The following CNTNAP2 variants were observed in gnomAD, a reference collection of about 807,000 sequenced individuals.
CNTNAP2 encodes the protein contactin-associated protein-like 2.
Under a neutral mutation model 155.2 loss-of-function variants are expected in CNTNAP2, and 98 were observed. The ratio of observed to expected loss-of-function variants is 0.63; its 90% CI spans 0.54 to 0.75. The LOEUF (loss-of-function observed/expected upper bound fraction) is 0.75. Among genes scored for constraint, CNTNAP2 ranks in the 30% least tolerant of loss-of-function variants. CNTNAP2 has a pLI of 0.00. For synonymous variants in CNTNAP2, 651 were observed against 631.2 expected (o/e 1.03, Z -0.47); for missense variants, 1,727 against 1,688.1 (o/e 1.02, Z -0.40).
intron 13 of CNTNAP2, among the ~76,000 whole-genome samples, chr7:147,788,900 C>CTTTTTTTTTTTTTTTT (rs11440955): frequency 1.6e-3 from 166 of 100,720 alleles, no homozygotes; most frequent in Non-Finnish European, 2.2e-3. Flanking sequence ...TTTTCTTTTT[C>CTTTTTTTTTTTTTTTT]TTTTTTTTTT....
chr7:147,250,799 AC>A, intron 8 of CNTNAP2, among the ~76,000 whole-genome samples: 1 of 152,098 alleles, frequency 6.6e-6, no homozygotes, highest in East Asian at 1.9e-4. Flanking sequence ...CCCTGGACTT[AC>A]AAAATCAGCA....
At chr7:148,060,339 A>T (rs1386464024) in intron 15 of CNTNAP2, among the ~76,000 whole-genome samples, 1 of 152,144 alleles carries the variant, frequency 6.6e-6, no homozygotes, top group Non-Finnish European at 1.5e-5. Flanking sequence ...ATTTCTTTAT[A>T]CATATATATG....
chr7:147,346,484 T>A (rs575096766), intron 9 of CNTNAP2, among the ~76,000 whole-genome samples: 1 of 152,340 alleles, frequency 6.6e-6, no homozygotes, highest in Non-Finnish European at 1.5e-5. Context: ...CATTAAAGTT[T>A]ATTCATCCCT....
intron 15 of CNTNAP2, among the ~76,000 whole-genome samples, chr7:148,079,290 A>G (rs1803553485): frequency 1.3e-5 from 2 of 152,240 alleles, no homozygotes; most frequent in Admixed American, 1.3e-4. Flanking sequence ...CTGGAAAAGC[A>G]GGACAACTGG....
At chr7:146,678,261 G>A (rs1800438346) in intron 1 of CNTNAP2, among the ~76,000 whole-genome samples, 1 of 151,692 alleles carries the variant, frequency 6.6e-6, no homozygotes, top group Non-Finnish European at 1.5e-5. Context: ...TAAATATGGG[G>A]TCTCACCACG....
chr7:148,038,228 G>C (rs951516031), intron 15 of CNTNAP2, among the ~76,000 whole-genome samples: 1 of 152,134 alleles, frequency 6.6e-6, no homozygotes, highest in Non-Finnish European at 1.5e-5. Flanking sequence ...GCCTCAACCT[G>C]TCCATCAACC....
At chr7:146,709,084 A>G (rs533449415) in intron 1 of CNTNAP2, among the ~76,000 whole-genome samples, 2 of 152,202 alleles carry the variant, frequency 1.3e-5, no homozygotes, top group Non-Finnish European at 2.9e-5. Context: ...TTATCTGGGT[A>G]ACATAATTGT....
chr7:147,392,179 C>T (rs1796730429), intron 9 of CNTNAP2, among the ~76,000 whole-genome samples: 1 of 152,092 alleles, frequency 6.6e-6, no homozygotes, highest in Non-Finnish European at 1.5e-5. Context: ...TTCTCACCTT[C>T]CTTTAAGTCA....
intron 8 of CNTNAP2, among the ~76,000 whole-genome samples, chr7:147,265,452 T>TC (rs1804585719): frequency 1.3e-5 from 2 of 152,100 alleles, no homozygotes; most frequent in Non-Finnish European, 2.9e-5. Flanking sequence ...GAGTGGGCCC[T>TC]CCCTGCAGGA....
At chr7:147,240,195 C>T (rs979016321) in intron 8 of CNTNAP2, among the ~76,000 whole-genome samples, 2 of 152,150 alleles carry the variant, frequency 1.3e-5, no homozygotes, top group African/African-American at 2.4e-5. Context: ...TCATGGCATG[C>T]GCCTCTCGTT....
Position 146,697,448 on chromosome 7 carries a change from A to G in CNTNAP2, c.98-76823A>G, listed in dbSNP as rs57247964. Among the ~76,000 whole-genome samples the G allele has an allele frequency of 9.7e-3, 1,473 of 152,236 alleles. 23 individuals carry two copies. Among genetic ancestry groups the G allele is most frequent in the African/African-American group, 0.033 (1,388 of 41,550 alleles). Reference sequence around the variant, plus strand: ...GAGACAGGGCTTCATCATGTTGGCCAGGCTGGTCTCAAACTCTTGACCTCA... The same window carrying G: ...GAGACAGGGCTTCATCATGTTGGCCGGGCTGGTCTCAAACTCTTGACCTCA... On this transcript the variant is annotated intron_variant, in intron 1 of 23. Transcript: ENST00000361727.
chr7:147,978,029 C>G (rs1801461007), intron 15 of CNTNAP2, 40 bp downstream of exon 15: 1 of 1,612,188 alleles, frequency 6.2e-7, no homozygotes, highest in African/African-American at 1.3e-5. Flanking sequence ...CTTTCTTATC[C>G]CATTTAAATA....
chr7:147,269,681 T>C (rs987501938), intron 8 of CNTNAP2, among the ~76,000 whole-genome samples: 2 of 152,128 alleles, frequency 1.3e-5, no homozygotes, highest in African/African-American at 2.4e-5. Context: ...TTATTTGAGC[T>C]GAGATTTATG....
intron 1 of CNTNAP2, among the ~76,000 whole-genome samples, chr7:146,413,409 C>T (rs1376749901): frequency 6.6e-6 from 1 of 151,994 alleles, no homozygotes; most frequent in African/African-American, 2.4e-5. Flanking sequence ...TGTTTTTGAG[C>T]AAAACAAAGT....
intron 13 of CNTNAP2, among the ~76,000 whole-genome samples, chr7:147,894,629 C>T (rs987957998): frequency 6.6e-6 from 1 of 152,064 alleles, no homozygotes; most frequent in Non-Finnish European, 1.5e-5. Context: ...GATGCTTTTA[C>T]GTTTTCATTT....
intron 1 of CNTNAP2, among the ~76,000 whole-genome samples, chr7:146,676,448 C>CTTTTT (rs35178328): frequency 3.5e-4 from 52 of 150,558 alleles, no homozygotes; most frequent in South Asian, 1.7e-3. Flanking sequence ...TGTTTGTGTT[C>CTTTTT]TTTTTTTTAA....
chr7:147,645,644 A>T (rs529661283), intron 13 of CNTNAP2, among the ~76,000 whole-genome samples: 1 of 152,330 alleles, frequency 6.6e-6, no homozygotes, highest in Middle Eastern at 3.4e-3. Flanking sequence ...AACAATATGG[A>T]TAGGAGTTGA....
intron 2 of CNTNAP2, among the ~76,000 whole-genome samples, chr7:146,791,027 C>T (rs189224238): frequency 1.8e-4 from 27 of 151,974 alleles, no homozygotes; most frequent in African/African-American, 6.3e-4. Flanking sequence ...CCCATCAACC[C>T]GTTATCTACA....
intron 13 of CNTNAP2, among the ~76,000 whole-genome samples, chr7:147,690,164 T>C (rs1224448114): frequency 1.3e-5 from 2 of 152,160 alleles, no homozygotes; most frequent in African/African-American, 2.4e-5. Context: ...TTTCTCTGTG[T>C]TGTGGCCCTG....
Sources: gnomAD v4.1 joint callset for allele counts (sites outside exome capture counted in the v4.1 genomes callset) on GRCh38, gnomAD v4.1.1 for gene constraint, MANE v1.5 for transcripts, NCBI Gene and HGNC (gene_info 2026-07-23, HGNC 2026-07-21) for gene names.